The following CFAP46 variants were observed in gnomAD, a reference collection of about 807,000 sequenced individuals.
CFAP46 encodes the protein cilia- and flagella-associated protein 46.
A neutral mutation model predicts 325.7 loss-of-function variants in CFAP46; 245 were observed. The ratio of observed to expected loss-of-function variants is 0.75; its 90% CI spans 0.68 to 0.84. The LOEUF (loss-of-function observed/expected upper bound fraction) is 0.84, where lower values mean the gene tolerates loss of function less well. CFAP46 is among the 40% of genes least tolerant of loss of function. The pLI, the probability that CFAP46 is intolerant of heterozygous loss-of-function variation, is 0.00. For synonymous variants in CFAP46, 1,523 were observed against 1,495.9 expected (o/e 1.02, Z -0.42); for missense variants, 3,346 against 3,543.0 (o/e 0.94, Z 1.41).
intron 35 of CFAP46, among the ~76,000 whole-genome samples, chr10:132,863,306 C>T (rs1010650807): frequency 2.0e-5 from 3 of 152,160 alleles, no homozygotes; most frequent in African/African-American, 7.2e-5. Context: ...GACTCTTGCC[C>T]CGGGAGCTCC....
intron 23 of CFAP46, 129 bp downstream of exon 23, chr10:132,899,406 C>T (rs1591079924): frequency 5.4e-5 from 71 of 1,324,764 alleles, no homozygotes; most frequent in Non-Finnish European, 6.4e-5. Flanking sequence ...CTGGCCGCAC[C>T]GGCCACCTCC....
intron 17 of CFAP46, among the ~76,000 whole-genome samples, chr10:132,913,901 C>G (rs969580269): frequency 2.6e-5 from 4 of 152,006 alleles, no homozygotes; most frequent in Non-Finnish European, 4.4e-5. Context: ...TTCCCAGCAG[C>G]CCCCTCGTTC....
intron 50 of CFAP46, among the ~76,000 whole-genome samples, chr10:132,826,743 AAGCTGGAGCCACAGAGCCAGGCAGG>A (rs1848063079): frequency 6.9e-6 from 1 of 145,152 alleles, no homozygotes; most frequent in South Asian, 2.3e-4. Flanking sequence ...AGCCAGGCAG[AAGCTGGAGCCACAGAGCCAGGCAGG>A]AGCTGGATGC....
At chr10:132,909,267 T>A in intron 20 of CFAP46, 23 bp from the exon 21 acceptor site, 1 of 1,519,828 alleles carries the variant, frequency 6.6e-7, no homozygotes, top group Non-Finnish European at 8.9e-7. Context: ...ATGCCCTGAG[T>A]GTATCAGCCC....
At chr10:132,872,565 C>T in intron 32 of CFAP46, 111 bp downstream of exon 32, 1 of 1,262,522 alleles carries the variant, frequency 7.9e-7, no homozygotes, top group Non-Finnish European at 1.1e-6. Flanking sequence ...GTGTTCAAGT[C>T]CCAGGGACTT....
At position 132,862,640 on chromosome 10, in the gene CFAP46, G is replaced by C. The variant is rs907029329; in HGVS notation, c.4891-1658C>G. Among the ~76,000 whole-genome samples, 4 of 151,834 alleles carry C rather than the reference G, an allele frequency of 2.6e-5. No individual in the cohort carries two copies. In the East Asian group the frequency reaches 7.8e-4, roughly 29 times the overall value. On this transcript the variant is annotated intron_variant, in intron 35 of 57. Transcript: ENST00000368586. ...GCTGAGGCTACAGTGGGAGAGCCCA[G>C]GGGAGGTCAGACCCCCGAGAGACAA...
intron 29 of CFAP46, among the ~76,000 whole-genome samples, chr10:132,879,157 C>T (rs1422770990): frequency 2.0e-5 from 3 of 152,316 alleles, no homozygotes; most frequent in African/African-American, 7.2e-5. Context: ...CCACGAGCCC[C>T]TCCCTTGGGG....
chr10:132,824,150 CTGTG>C (rs1407530334), intron 50 of CFAP46, among the ~76,000 whole-genome samples: 4 of 112,234 alleles, frequency 3.6e-5, no homozygotes, highest in East Asian at 5.9e-4. Context: ...CTGATGTGTG[CTGTG>C]TGTGTGCTGT....
chr10:132,859,597 G>C lies in CFAP46; in HGVS notation c.5199-350C>G, dbSNP rs555118467. Among the ~76,000 whole-genome samples, 3 of 152,252 alleles carry C rather than the reference G, an allele frequency of 2.0e-5. No homozygotes were observed. The East Asian group carries it at 5.8e-4, about 29-fold the overall frequency. Reference sequence around the variant, plus strand: ...TGTTGAAGCGTTGGGCTGTTCACACGCTGCAGCTGGGGGGCCCAGGGCAAG... The same window carrying C: ...TGTTGAAGCGTTGGGCTGTTCACACCCTGCAGCTGGGGGGCCCAGGGCAAG... On this transcript the variant is annotated intron_variant, in intron 37 of 57. Coordinates refer to ENST00000368586, the MANE Select transcript of CFAP46 (RefSeq NM_001200049.3).
intron 44 of CFAP46, among the ~76,000 whole-genome samples, chr10:132,837,778 T>A (rs1195557094): frequency 1.8e-5 from 2 of 113,246 alleles, no homozygotes; most frequent in Admixed American, 9.3e-5. Context: ...CGTACACAGA[T>A]GCACACAGAC....
Position 132,867,250 on chromosome 10 carries a change from G to A in CFAP46, c.4743+125C>T, listed in dbSNP as rs1848828153. The A allele has an allele frequency of 2.6e-6, 3 of 1,174,924 alleles. No homozygotes were observed. The East Asian group carries it at 7.7e-5, about 30-fold the overall frequency. The allele number at this position is 1,174,924 out of a possible 1,614,324, so 72.8% of individuals were successfully genotyped here. On this transcript the variant is annotated intron_variant, in intron 34 of 57. Coordinates refer to ENST00000368586, the MANE Select transcript of CFAP46 (RefSeq NM_001200049.3). ...CCCTCACACACTGACACACACCCAG[G>A]CCGGCCCCTCACACACTGACACACA...
At chr10:132,819,418 A>T (rs1296518620) in intron 50 of CFAP46, among the ~76,000 whole-genome samples, 1 of 152,252 alleles carries the variant, frequency 6.6e-6, no homozygotes, top group Non-Finnish European at 1.5e-5. Context: ...GGAGCCACAA[A>T]AGACCCTGAA....
chr10:132,872,800 G>T lies in CFAP46; in HGVS notation c.4387C>A (p.His1463Asn). The change falls in exon 32 of 58, where the codon CAC becomes AAC. Residue 1463 changes from histidine (H) to asparagine (N), a missense_variant. Physicochemically the swap from His to Asn is moderately conservative, Grantham distance 68 (BLOSUM62 1). Coordinates refer to ENST00000368586, the MANE Select transcript of CFAP46 (RefSeq NM_001200049.3). Reference protein sequence around the residue: ...KPTYSLYFLDHLVKALQKMCL... With the variant: ...KPTYSLYFLDNLVKALQKMCL... ...ATCTTCTGCAGGGCCTTGACCAGGT[G>T]GTCCAGGAAATACAAACTGTATGTC... 1 of 1,551,094 alleles carries T rather than the reference G, an allele frequency of 6.4e-7. No homozygotes were observed. Among genetic ancestry groups the T allele is most frequent in the Non-Finnish European group, 8.7e-7 (1 of 1,147,110 alleles).
Position 132,879,631 on chromosome 10 carries a change from C to T in CFAP46, c.3800G>A (p.Gly1267Glu). ...DVPEPQPTPD[G>E]EYVAVEMPPR... Reference sequence around the variant, plus strand: ...GGGCATCTCCACAGCCACGTACTCCCCTGAAACACGGGGTGCCCGAGGCTG... The same window carrying T: ...GGGCATCTCCACAGCCACGTACTCCTCTGAAACACGGGGTGCCCGAGGCTG... Residue 1267 changes from glycine (G) to glutamate (E), a missense_variant and splice_region_variant, in exon 29 of 58, where the codon GGG becomes GAG. Physicochemically the swap from Gly to Glu is moderately conservative, Grantham distance 98. Transcript: ENST00000368586. 1 of 1,516,032 alleles carries T rather than the reference C, an allele frequency of 6.6e-7. No individual in the cohort carries two copies. 93.9% of individuals were successfully genotyped at this position (1,516,032 alleles called of 1,614,324 possible). A position where few individuals can be genotyped will look rare whatever the true frequency, so the allele number is the denominator to read the frequency against.
chr10:132,912,445 C>T (rs1429175596), intron 19 of CFAP46, among the ~76,000 whole-genome samples: 2 of 56,370 alleles, frequency 3.5e-5, no homozygotes, highest in African/African-American at 1.2e-4. Flanking sequence ...CTCTCCTCTC[C>T]TCTCTCTCTC....
chr10:132,856,716 T>C (rs1008013337), intron 39 of CFAP46, among the ~76,000 whole-genome samples: 24 of 152,248 alleles, frequency 1.6e-4, no homozygotes, highest in African/African-American at 5.8e-4. Flanking sequence ...CAGTGATAAC[T>C]TGTCTTCCAA....
chr10:132,814,792 G>C, intron 51 of CFAP46, 46 bp from the exon 52 acceptor site: 1 of 1,613,616 alleles, frequency 6.2e-7, no homozygotes, highest in Non-Finnish European at 8.5e-7. Flanking sequence ...CCAGGAGCCT[G>C]ACCTCCCGCT....
intron 45 of CFAP46, among the ~76,000 whole-genome samples, chr10:132,836,593 T>C (rs900223645): frequency 9.2e-5 from 14 of 152,144 alleles, no homozygotes; most frequent in African/African-American, 3.1e-4. Context: ...GACCCTGTAC[T>C]GGAGACAGGT....
rs376762876 is a variant in CFAP46 at position 132,942,438 on chromosome 10, T to C, written c.47A>G (p.Gln16Arg). 84 of 1,215,394 alleles carry C rather than the reference T, an allele frequency of 6.9e-5. No individual in the cohort carries two copies. The South Asian group carries it at 1.9e-3, about 28-fold the overall frequency. The allele number at this position is 1,215,394 out of a possible 1,614,324, so 75.3% of individuals were successfully genotyped here. A position where few individuals can be genotyped will look rare whatever the true frequency, so the allele number is the denominator to read the frequency against. Residue 16 changes from glutamine (Q) to arginine (R), a missense_variant and splice_region_variant, in exon 1 of 58, where the codon CAA (glutamine) becomes CGA (arginine). Gln to Arg is a conservative substitution (Grantham distance 43). Transcript: ENST00000368586. ...GGTCGTGGCGGGCCTGGGGTCACCTTGCTGGCTCTCGGCGCGGGCCAGCTC... is the reference window on the plus strand; with the variant it reads ...GGTCGTGGCGGGCCTGGGGTCACCTCGCTGGCTCTCGGCGCGGGCCAGCTC... ...TQELARAESQ[Q>R]DAASLKKAYE...
Sources: gnomAD v4.1 joint callset for allele counts (sites outside exome capture counted in the v4.1 genomes callset) on GRCh38, gnomAD v4.1.1 for gene constraint, MANE v1.5 for transcripts, NCBI Gene and HGNC (gene_info 2026-07-23, HGNC 2026-07-21) for gene names.